HUWE1: variants seen among roughly 807,000 people sequenced by gnomAD.
HUWE1 encodes the protein E3 ubiquitin-protein ligase HUWE1.
Under a neutral mutation model 299.4 loss-of-function variants are expected in HUWE1, and 18 were observed. The observed-to-expected ratio is 0.06, with a 90% CI of 0.04 to 0.09. HUWE1 has a LOEUF of 0.09. Among genes scored for constraint, HUWE1 ranks in the 10% least tolerant of loss-of-function variants. The probability of loss-of-function intolerance (pLI) is 1.00; values close to 1 mark genes in which losing one functional copy is unlikely to be tolerated. For synonymous variants in HUWE1, 1,317 were observed against 1,286.1 expected, an observed-to-expected ratio of 1.02 and a Z score of -0.51; for missense variants, 1,832 against 3,462.3, an observed-to-expected ratio of 0.53 and a Z score of 11.82.
At chrX:53,574,815 C>T (rs895715517) in intron 46 of HUWE1, among the ~76,000 whole-genome samples, 17 of 111,941 alleles carry the variant, frequency 1.5e-4, no homozygotes, top group Non-Finnish European at 2.6e-4. Flanking sequence ...CAGGCATCCA[C>T]CACGTAAAGC....
Position 53,577,072 on chromosome X carries a change from G to A in HUWE1, c.5717-5C>T, listed in dbSNP as rs1556959488. The A allele has an allele frequency of 7.5e-6, 9 of 1,192,620 alleles. No individual in the cohort carries two copies. Among genetic ancestry groups the A allele is most frequent in the Non-Finnish European group, 9.1e-6 (8 of 878,468 alleles). On this transcript the variant is annotated splice_region_variant and splice_polypyrimidine_tract_variant and intron_variant, in intron 43 of 83. Transcript: ENST00000262854. The stretch of plus-strand genomic sequence containing the variant: ...TCTCAAATTCATCATCTGAAGCTAA[G>A]CCAAAATGAGAGAGAAAAACCAGTC...
chrX:53,629,705 G>C, intron 12 of HUWE1, 89 bp from the exon 13 acceptor site: 1 of 560,949 alleles, frequency 1.8e-6, no homozygotes. Context: ...ATAGGTTCTG[G>C]GGAAGAATTC....
chrX:53,586,463 T>C (rs374045207), intron 39 of HUWE1, 27 bp downstream of exon 39: 102 of 1,071,940 alleles, frequency 9.5e-5, no homozygotes, highest in Non-Finnish European at 1.2e-4. Context: ...TAAACCGTCC[T>C]GCAGTCATAC....
chrX:53,594,133 C>CA (rs1433588035), intron 31 of HUWE1, among the ~76,000 whole-genome samples: 10 of 111,052 alleles, frequency 9.0e-5, no homozygotes, highest in African/African-American at 3.3e-4. Context: ...AAAAAAAACA[C>CA]AAAAAAACCT....
chrX:53,600,017 T>TA, intron 29 of HUWE1, 101 bp downstream of exon 29: 1 of 791,571 alleles, frequency 1.3e-6, no homozygotes, highest in Non-Finnish European at 1.9e-6. Flanking sequence ...ACAGAAGTTT[T>TA]AAACTTCCTT....
rs782005244 is a variant in HUWE1, at chrX:53,538,497, C to G, written c.11879-43G>C. ...AGCAGGAATTAAGCACATCATCTGC[C>G]CCAGAAGCTGTAAGACAGCCAACCA... is the stretch of plus-strand genomic sequence containing the variant. On this transcript the variant is annotated intron_variant, in intron 76 of 83. Transcript: ENST00000262854. The G allele has an allele frequency of 6.5e-6, 6 of 930,045 alleles. No homozygotes were observed. In the East Asian group the frequency reaches 1.9e-4, roughly 29 times the overall value. The allele number at this position is 930,045 out of a possible 1,213,427, so 76.6% of individuals were successfully genotyped here.
At chrX:53,540,773 CA>C (rs1348847735) in intron 74 of HUWE1, among the ~76,000 whole-genome samples, 1 of 111,643 alleles carries the variant, frequency 9.0e-6, no homozygotes, top group Non-Finnish European at 1.9e-5. Context: ...AGCTAAGCAG[CA>C]AGACACAACC....
Position 53,559,424 on chromosome X carries a change from G to A in HUWE1, c.7845C>T (p.Ile2615=). The change falls in exon 57 of 84, where the codon ATC becomes ATT. Residue 2615 remains isoleucine (I), a synonymous_variant. Coordinates refer to ENST00000262854, the MANE Select transcript of HUWE1 (RefSeq NM_031407.7). ...GCAGCTCATCATCAGAACGGGCGAT[G>A]ATGTGGACGTCATCGTTGCCTACCA... ...RLLVGNDDVH[I]IARSDDELLD... 1 of 1,211,361 alleles carries A rather than the reference G, an allele frequency of 8.3e-7. No homozygotes were observed. The highest frequency in any genetic ancestry group is 1.1e-6 in the Non-Finnish European group (1 of 895,072).
intron 3 of HUWE1, among the ~76,000 whole-genome samples, chrX:53,670,081 A>T (rs2069442885): frequency 8.9e-6 from 1 of 112,096 alleles, no homozygotes; most frequent in Non-Finnish European, 1.9e-5. Context: ...TAAATGCATG[A>T]AAACACATGG....
rs782246454 is a variant in HUWE1, at chrX:53,648,266, A to G, written c.90T>C (p.Asn30=). Residue 30 remains asparagine, a synonymous_variant, in exon 5 of 84, where the codon AAT becomes AAC. Transcript: ENST00000262854. ...RALIDKLKVC[N]DEQLLLELQQ... is the part of the protein sequence containing the mutation. ...GCAGTTCCAAGAGAAGTTGCTCATCATTACAAACTTTGAGTTTGTCTATTA... is the reference window on the plus strand; with the variant it reads ...GCAGTTCCAAGAGAAGTTGCTCATCGTTACAAACTTTGAGTTTGTCTATTA... The G allele has an allele frequency of 8.3e-7, 1 of 1,202,465 alleles. No homozygotes were observed. The highest frequency in any genetic ancestry group is 1.8e-5 in the South Asian group (1 of 56,671).
intron 3 of HUWE1, among the ~76,000 whole-genome samples, chrX:53,667,293 T>TA (rs1328251324): frequency 3.6e-5 from 4 of 111,843 alleles, no homozygotes; most frequent in Non-Finnish European, 5.6e-5. Context: ...TGTAGAAAAA[T>TA]AAGTCTAGAA....
At chrX:53,667,716 G>A (rs1342889429) in intron 3 of HUWE1, among the ~76,000 whole-genome samples, 1 of 111,808 alleles carries the variant, frequency 8.9e-6, no homozygotes, top group African/African-American at 3.3e-5. Context: ...ACATCTTAAT[G>A]ACATATAGAG....
Position 53,552,995 on chromosome X carries a change from TCAGAC to T in HUWE1, c.8495-107_8495-103del, listed in dbSNP as rs2061826966. Reference sequence around the variant, plus strand: ...GCTGCTTCCTTAGGGGCATCTCAGCTCAGACTTCTCACTTCTCCCTTGCTGTCCCC... The same window carrying T: ...GCTGCTTCCTTAGGGGCATCTCAGCTTTCTCACTTCTCCCTTGCTGTCCCC... On this transcript the variant is annotated intron_variant, in intron 61 of 83. Coordinates refer to ENST00000262854, the MANE Select transcript of HUWE1 (RefSeq NM_031407.7). 23 of 881,308 alleles carry T rather than the reference TCAGAC, an allele frequency of 2.6e-5. No homozygotes were observed. In the East Asian group the frequency reaches 7.4e-4, roughly 28 times the overall value. The allele number at this position is 881,308 out of a possible 1,213,427, so 72.6% of individuals were successfully genotyped here. A position where few individuals can be genotyped will look rare whatever the true frequency, so the allele number is the denominator to read the frequency against.
Position 53,576,986 on chromosome X carries a change from G to A in HUWE1, c.5798C>T (p.Ser1933Leu). ...AGTATCAGGGATGACAGGCAGAGGT[G>A]AGGGCTTCAAAGGGGTGGTCTTCAC... ...QLVKTTPLKP[S>L]PLPVIPDTIK... The change falls in exon 44 of 84, where the codon TCA becomes TTA. Residue 1933 changes from serine (S) to leucine (L), a missense_variant. Ser to Leu is a moderately radical substitution (Grantham distance 145). Transcript: ENST00000262854. 2 of 1,203,897 alleles carry A rather than the reference G, an allele frequency of 1.7e-6. No individual in the cohort carries two copies. The highest frequency in any genetic ancestry group is 1.1e-6 in the Non-Finnish European group (1 of 888,416).
chrX:53,537,379 G>A, intron 78 of HUWE1, 177 bp downstream of exon 78: 1 of 524,822 alleles, frequency 1.9e-6, no homozygotes, highest in Admixed American at 2.8e-5. Context: ...CAGCCAGCAG[G>A]GCAGGCCCAG....
rs372900599 is a variant in HUWE1, at chrX:53,584,287, C to T, written c.5060G>A (p.Arg1687Gln). Residue 1687 changes from arginine to glutamine, a missense_variant, in exon 41 of 84, where the codon CGG becomes CAG. By Grantham distance (43) the Arg-to-Gln change is conservative. This residue lies in a region of HUWE1 where 658 missense variants were observed against 1,282.6 expected (regional missense o/e 0.51). Transcript: ENST00000262854. ...PVMLTLLRVP[R>Q]LNKNSKNSNG... ...GCTGTTTTTTGAATTTTTATTCAGC[C>T]GAGGTACCCTGAGGAGAGTCAGCAT... 6 of 1,204,541 alleles carry T rather than the reference C, an allele frequency of 5.0e-6. No individual in the cohort carries two copies. Among genetic ancestry groups the T allele is most frequent in the Admixed American group, 4.4e-5 (2 of 45,660 alleles).
chrX:53,645,734 AAAATAT>A (rs1345701538), intron 6 of HUWE1, among the ~76,000 whole-genome samples: 17 of 18,180 alleles, frequency 9.4e-4, no homozygotes, highest in African/African-American at 2.0e-3. Flanking sequence ...AAAAAAAAAA[AAAATAT>A]ATATATATAT....
intron 43 of HUWE1, 53 bp downstream of exon 43, chrX:53,580,778 T>G: frequency 1.7e-6 from 2 of 1,145,600 alleles, no homozygotes; most frequent in Non-Finnish European, 2.4e-6. Flanking sequence ...AATTTCTGGA[T>G]TTATACCAGG....
intron 12 of HUWE1, among the ~76,000 whole-genome samples, chrX:53,629,879 GCT>G (rs1557021226): frequency 8.9e-6 from 1 of 112,386 alleles, no homozygotes; most frequent in African/African-American, 3.2e-5. Flanking sequence ...AATAGGAAAA[GCT>G]CTGAGTTAAT....
Sources: gnomAD v4.1 joint callset for allele counts (sites outside exome capture counted in the v4.1 genomes callset) on GRCh38, gnomAD v4.1.1 for gene constraint, gnomAD v4.1.1 regional missense constraint, MANE v1.5 for transcripts, NCBI Gene and HGNC (gene_info 2026-07-23, HGNC 2026-07-21) for gene names.